The following UBR1 variants were observed in gnomAD, a reference collection of about 807,000 sequenced individuals.
The protein encoded by UBR1 is ubiquitin protein ligase E3 component n-recognin 1.
In UBR1, 102 loss-of-function variants were observed where a neutral mutation model predicts 242.1. The ratio of observed to expected loss-of-function variants is 0.42; its 90% CI spans 0.36 to 0.50. The LOEUF (loss-of-function observed/expected upper bound fraction) is 0.50, where lower values mean the gene tolerates loss of function less well. Among genes scored for constraint, UBR1 ranks in the 20% least tolerant of loss-of-function variants. The probability of loss-of-function intolerance (pLI) is 0.01; values close to 1 mark genes in which losing one functional copy is unlikely to be tolerated. For synonymous variants in UBR1, 675 were observed against 684.8 expected, an observed-to-expected ratio of 0.99 and a Z score of 0.22; for missense variants, 1,772 against 2,101.8, an observed-to-expected ratio of 0.84 and a Z score of 3.07.
Position 43,029,841 on chromosome 15 carries a change from A to T in UBR1, c.2379+103T>A, listed in dbSNP as rs2033231029. ...TGGTTTACATCTATAAGGTAATGAT[A>T]TAGGACTTTTTGCCTAAAATTTTGA... On this transcript the variant is annotated intron_variant, in intron 21 of 46. Transcript: ENST00000290650. 1.2e-5 allele frequency: 16 copies of T among 1,343,672 alleles called. No homozygotes were observed. In the East Asian group the frequency reaches 3.7e-4, roughly 31 times the overall value. 83.2% of individuals were successfully genotyped at this position (1,343,672 alleles called of 1,614,324 possible). A position where few individuals can be genotyped will look rare whatever the true frequency, so the allele number is the denominator to read the frequency against.
chr15:42,968,980 G>A (rs1157957339), intron 40 of UBR1, among the ~76,000 whole-genome samples: 1 of 152,120 alleles, frequency 6.6e-6, no homozygotes, highest in African/African-American at 2.4e-5. Context: ...ATAAACATAT[G>A]TGTGCATGTG....
chr15:43,043,513 C>A (rs1477349650), intron 14 of UBR1, 118 bp from the exon 15 acceptor site: 4 of 914,112 alleles, frequency 4.4e-6, no homozygotes, highest in Non-Finnish European at 6.9e-6. Flanking sequence ...ATAATCACAG[C>A]TCACTGCAGC....
At chr15:42,977,732 C>T in intron 38 of UBR1, 148 bp downstream of exon 38, 1 of 625,554 alleles carries the variant, frequency 1.6e-6, no homozygotes, top group Non-Finnish European at 2.8e-6. Flanking sequence ...AAATCTGTAC[C>T]TATTTGTAAA....
chr15:43,025,021 C>T, intron 24 of UBR1, 38 bp from the exon 25 acceptor site: 3 of 1,610,084 alleles, frequency 1.9e-6, no homozygotes, highest in Non-Finnish European at 2.5e-6. Flanking sequence ...AAGAGACAAA[C>T]AGGTACATTT....
intron 40 of UBR1, 24 bp downstream of exon 40, chr15:42,970,496 C>T (rs750794137): frequency 1.9e-6 from 3 of 1,596,998 alleles, no homozygotes; most frequent in East Asian, 4.5e-5. Flanking sequence ...TTACAATAGA[C>T]TGAACTAATG....
intron 37 of UBR1, among the ~76,000 whole-genome samples, chr15:42,982,808 C>T (rs932592139): frequency 5.3e-5 from 8 of 152,158 alleles, no homozygotes; most frequent in African/African-American, 1.9e-4. Flanking sequence ...ATCTGAATAA[C>T]TCTTATTTGG....
chr15:42,956,382 C>T lies in UBR1; in HGVS notation c.4835+1631G>A, dbSNP rs140044993. ...TCACCCAGGCTGGAGTGCAGTGGCA[C>T]GATCTCGGCTCACTGCAACTTCTGC... On this transcript the variant is annotated intron_variant, in intron 44 of 46. Transcript: ENST00000290650. Among the ~76,000 whole-genome samples, 407 of 152,258 alleles carry T rather than the reference C, an allele frequency of 2.7e-3. 3 individuals carry two copies. The highest frequency in any genetic ancestry group is 9.5e-3 in the African/African-American group (396 of 41,552).
In UBR1 at chr15:43,094,439, GCAAA is replaced by G. The variant is rs540494392; in HGVS notation, c.82-8203_82-8200del. ...GTGAAACTCCATCTCAAAAAAAAAA[GCAAA>G]CAAACAAACAAACAACAAAAACATC... is the stretch of plus-strand genomic sequence containing the variant. On this transcript the variant is annotated intron_variant, in intron 1 of 46. Transcript: ENST00000290650. Among the ~76,000 whole-genome samples the G allele has an allele frequency of 3.6e-3, 539 of 151,008 alleles. 2 individuals carry two copies. Among genetic ancestry groups the G allele is most frequent in the African/African-American group, 0.012 (508 of 41,266 alleles).
intron 10 of UBR1, among the ~76,000 whole-genome samples, chr15:43,057,801 C>T (rs1567138982): frequency 1.3e-5 from 2 of 152,134 alleles, no homozygotes; most frequent in Non-Finnish European, 2.9e-5. Context: ...GATAACCTCC[C>T]TTTGCTCTGG....
At chr15:43,005,768 C>T (rs1363228014) in intron 30 of UBR1, among the ~76,000 whole-genome samples, 3 of 151,900 alleles carry the variant, frequency 2.0e-5, no homozygotes, top group Non-Finnish European at 2.9e-5. Context: ...CCTTGGGATG[C>T]TGTTAATCTA....
intron 19 of UBR1, 41 bp from the exon 20 acceptor site, chr15:43,032,672 AAAAACCTCCAT>A: frequency 8.2e-7 from 1 of 1,220,656 alleles, no homozygotes; most frequent in South Asian, 1.3e-5. Flanking sequence ...TGGAAGAACC[AAAAACCTCCAT>A]AAAACATGCA....
At chr15:42,954,160 C>G (rs926360522) in intron 44 of UBR1, among the ~76,000 whole-genome samples, 1 of 152,112 alleles carries the variant, frequency 6.6e-6, no homozygotes, top group Non-Finnish European at 1.5e-5. Context: ...GCTGGGGTTA[C>G]AGACATGAGC....
intron 29 of UBR1, among the ~76,000 whole-genome samples, chr15:43,012,834 G>T (rs914059196): frequency 1.3e-5 from 2 of 152,132 alleles, no homozygotes; most frequent in Non-Finnish European, 2.9e-5. Context: ...TCAGCTTCAA[G>T]ATTAAAGATA....
chr15:43,092,745 G>A (rs1042726339), intron 1 of UBR1, among the ~76,000 whole-genome samples: 1 of 152,222 alleles, frequency 6.6e-6, no homozygotes, highest in Middle Eastern at 3.4e-3. Context: ...GTAGAAACGG[G>A]GTTTCACCAT....
intron 2 of UBR1, 89 bp downstream of exon 2, chr15:43,085,895 T>C: frequency 7.1e-7 from 1 of 1,399,912 alleles, no homozygotes; most frequent in East Asian, 2.5e-5. Flanking sequence ...CACTCCAGCC[T>C]GGGTCACACA....
At chr15:43,095,011 C>T (rs1489446015) in intron 1 of UBR1, among the ~76,000 whole-genome samples, 2 of 152,078 alleles carry the variant, frequency 1.3e-5, no homozygotes, top group African/African-American at 4.8e-5. Flanking sequence ...AAGTCATGCC[C>T]CAATTTTTTA....
At chr15:43,074,864 T>C (rs2033868202) in intron 4 of UBR1, 115 bp downstream of exon 4, 1 of 875,546 alleles carries the variant, frequency 1.1e-6, no homozygotes, top group East Asian at 2.4e-5. Context: ...TACACCTAAA[T>C]ATGAGAATAA....
intron 1 of UBR1, among the ~76,000 whole-genome samples, chr15:43,091,247 G>A (rs1041325848): frequency 3.3e-5 from 5 of 152,084 alleles, no homozygotes; most frequent in African/African-American, 1.2e-4. Flanking sequence ...CAAATATACA[G>A]TTTTAAAATC....
intron 37 of UBR1, among the ~76,000 whole-genome samples, chr15:42,979,058 C>G (rs1011023879): frequency 2.0e-5 from 3 of 152,012 alleles, no homozygotes; most frequent in Non-Finnish European, 4.4e-5. Flanking sequence ...CCATGCCCAG[C>G]TAATTTTTGT....
Sources: allele counts gnomAD v4.1 joint callset (sites outside exome capture counted in the v4.1 genomes callset), GRCh38; gene constraint gnomAD v4.1.1; transcripts MANE v1.5; gene names NCBI Gene and HGNC (gene_info 2026-07-23, HGNC 2026-07-21).